Variants in HTR4 observed in about 807,000 individuals in gnomAD.
HTR4 encodes 5-hydroxytryptamine (serotonin) receptor 4, G protein-coupled.
A neutral mutation model predicts 36.8 loss-of-function variants in HTR4; 16 were observed. The ratio of observed to expected loss-of-function variants is 0.43; its 90% confidence interval spans 0.29 to 0.66. The LOEUF (loss-of-function observed/expected upper bound fraction) is 0.66, where lower values mean the gene tolerates loss of function less well. Among genes scored for constraint, HTR4 ranks in the 30% least tolerant of loss-of-function variants. The probability of loss-of-function intolerance (pLI) is 0.13; values close to 1 mark genes in which losing one functional copy is unlikely to be tolerated. For missense variants in HTR4, 438 were observed against 490.9 expected, an observed-to-expected ratio of 0.89 and a Z score of 1.02; for synonymous variants, 189 against 185.1, an observed-to-expected ratio of 1.02 and a Z score of -0.17.
At chr5:148,542,673 A>G (rs1759178794) in intron 4 of HTR4, among the ~76,000 whole-genome samples, 1 of 152,222 alleles carries the variant, frequency 6.6e-6, no homozygotes, top group South Asian at 2.1e-4. Context: ...TTTAATGCTA[A>G]GTAAAGGACA....
intron 1 of HTR4, among the ~76,000 whole-genome samples, chr5:148,642,053 G>C (rs1240455434): frequency 4.6e-5 from 7 of 152,148 alleles, no homozygotes; most frequent in African/African-American, 4.8e-5. Flanking sequence ...TGGTTGCATG[G>C]ATGGATATTC....
chr5:148,640,821 T>G (rs755831278), intron 1 of HTR4, among the ~76,000 whole-genome samples: 1 of 152,194 alleles, frequency 6.6e-6, no homozygotes, highest in African/African-American at 2.4e-5. Flanking sequence ...ACCTAAAGTT[T>G]GTATCATTAA....
intron 6 of HTR4, among the ~76,000 whole-genome samples, chr5:148,507,822 T>C (rs1757299351): frequency 6.6e-6 from 1 of 152,218 alleles, no homozygotes; most frequent in South Asian, 2.1e-4. Context: ...ATACGCTGTT[T>C]GTAAGTTGTC....
At chr5:148,583,112 A>C (rs866094287) in intron 2 of HTR4, among the ~76,000 whole-genome samples, 6 of 151,730 alleles carry the variant, frequency 4.0e-5, no homozygotes, top group Middle Eastern at 3.4e-3. Context: ...ACGTCCCATC[A>C]ATACCTAATT....
chr5:148,639,830 A>T (rs1474720543), intron 1 of HTR4, among the ~76,000 whole-genome samples: 1 of 152,032 alleles, frequency 6.6e-6, no homozygotes, highest in African/African-American at 2.4e-5. Context: ...AAATGAGAAA[A>T]CTGAGGCTTA....
intron 4 of HTR4, among the ~76,000 whole-genome samples, chr5:148,540,594 G>C (rs1362703554): frequency 6.6e-6 from 1 of 151,528 alleles, no homozygotes; most frequent in Non-Finnish European, 1.5e-5. Context: ...ATAACTAATA[G>C]ATTCACCTTC....
Position 148,482,058 on chromosome 5 carries a change from A to T in HTR4, c.*1145T>A, listed in dbSNP as rs1312801230. ...CACAGATGTGGAAAGTGGGGTCCAG[A>T]GATGAAAGAACACTATTCAAGATCT... is the stretch of plus-strand genomic sequence containing the variant. On this transcript the variant is annotated 3_prime_UTR_variant, in exon 7 of 7. Transcript: ENST00000377888. 1.0e-6 allele frequency: 1 copy of T among 980,794 alleles called. No individual in the cohort carries two copies. Among genetic ancestry groups the T allele is most frequent in the Non-Finnish European group, 1.2e-6 (1 of 825,088 alleles). The allele number at this position is 980,794 out of a possible 1,614,324, so 60.8% of individuals were successfully genotyped here. A position where few individuals can be genotyped will look rare whatever the true frequency, so the allele number is the denominator to read the frequency against.
chr5:148,617,993 C>G (rs561989903), intron 2 of HTR4, among the ~76,000 whole-genome samples: 2 of 152,322 alleles, frequency 1.3e-5, no homozygotes, highest in Non-Finnish European at 1.5e-5. Flanking sequence ...GCAATTCCCT[C>G]TTCGGCAACA....
intron 5 of HTR4, among the ~76,000 whole-genome samples, chr5:148,517,391 G>C (rs73797904): frequency 6.6e-6 from 1 of 151,096 alleles, no homozygotes; most frequent in Non-Finnish European, 1.5e-5. Flanking sequence ...CTTTCTGATC[G>C]GGACCTCCTA....
intron 5 of HTR4, among the ~76,000 whole-genome samples, chr5:148,522,089 A>G (rs530294910): frequency 5.3e-5 from 8 of 152,250 alleles, no homozygotes; most frequent in South Asian, 4.1e-4. Context: ...TGATGGTTTT[A>G]TAAAGGGGAA....
chr5:148,582,311 T>A (rs2127247230), intron 2 of HTR4, among the ~76,000 whole-genome samples: 1 of 152,206 alleles, frequency 6.6e-6, no homozygotes, highest in Non-Finnish European at 1.5e-5. Flanking sequence ...TCAAATTTGA[T>A]TTAAGATGCA....
intron 6 of HTR4, among the ~76,000 whole-genome samples, chr5:148,488,490 G>A (rs570009472): frequency 3.4e-4 from 51 of 152,090 alleles, no homozygotes; most frequent in African/African-American, 1.2e-3. Context: ...TTGCATTTAA[G>A]GTCACAATAC....
chr5:148,473,170 G>T (rs556015844), downstream of HTR4, among the ~76,000 whole-genome samples: 78 of 152,078 alleles, frequency 5.1e-4, no homozygotes, highest in African/African-American at 1.8e-3. Context: ...GTGGTTGTGG[G>T]CGCCTGTAGT....
At chr5:148,554,621 G>T (rs916778881) in intron 2 of HTR4, among the ~76,000 whole-genome samples, 15 of 152,148 alleles carry the variant, frequency 9.9e-5, no homozygotes, top group African/African-American at 3.4e-4. Flanking sequence ...AAAAATTCTG[G>T]AAGTGGATAG....
intron 5 of HTR4, among the ~76,000 whole-genome samples, chr5:148,467,424 T>C (rs1755456114): frequency 6.6e-6 from 1 of 152,146 alleles, no homozygotes; most frequent in Non-Finnish European, 1.5e-5. Flanking sequence ...AACTTTTGAG[T>C]GTGCACCATG....
intron 2 of HTR4, among the ~76,000 whole-genome samples, chr5:148,581,605 A>G (rs1387207193): frequency 1.3e-5 from 2 of 152,016 alleles, no homozygotes; most frequent in African/African-American, 4.8e-5. Context: ...TCCTTCCCTT[A>G]TTATGTATTA....
intron 2 of HTR4, among the ~76,000 whole-genome samples, chr5:148,616,326 G>A (rs912665265): frequency 3.3e-5 from 5 of 152,140 alleles, no homozygotes; most frequent in African/African-American, 4.8e-5. Flanking sequence ...TATCTCAAGC[G>A]GGAAAGTAGG....
At chr5:148,568,253 C>T (rs1760532721) in intron 2 of HTR4, among the ~76,000 whole-genome samples, 1 of 152,084 alleles carries the variant, frequency 6.6e-6, no homozygotes, top group Non-Finnish European at 1.5e-5. Flanking sequence ...GGGTTTTTGG[C>T]CACACTAATC....
chr5:148,556,586 G>A (rs1759962186), intron 2 of HTR4, among the ~76,000 whole-genome samples: 1 of 152,180 alleles, frequency 6.6e-6, no homozygotes, highest in Non-Finnish European at 1.5e-5. Flanking sequence ...ACAGACATAA[G>A]CAAATGCACA....
Sources: gnomAD v4.1 joint callset for allele counts (sites outside exome capture counted in the v4.1 genomes callset) on GRCh38, gnomAD v4.1.1 for gene constraint, MANE v1.5 for transcripts, NCBI Gene and HGNC (gene_info 2026-07-23, HGNC 2026-07-21) for gene names.